The following SIAH3 variants were observed in gnomAD, a reference collection of about 807,000 sequenced individuals.
The protein encoded by SIAH3 is siah E3 ubiquitin protein ligase family member 3.
Under a neutral mutation model 12.6 loss-of-function variants are expected in SIAH3, and 9 were observed. That is an observed-to-expected ratio of 0.72 (90% CI 0.43 to 1.25). The LOEUF (loss-of-function observed/expected upper bound fraction) is 1.25, where lower values mean the gene tolerates loss of function less well. Among genes scored for constraint, SIAH3 ranks in the 50% most tolerant of loss-of-function variants. The pLI, the probability that SIAH3 is intolerant of heterozygous loss-of-function variation, is 0.00. For missense variants in SIAH3, 390 were observed against 365.4 expected, an observed-to-expected ratio of 1.07 and a Z score of -0.55; for synonymous variants, 154 against 151.1, an observed-to-expected ratio of 1.02 and a Z score of -0.14.
intron 1 of SIAH3, among the ~76,000 whole-genome samples, chr13:45,794,507 C>A (rs1026712907): frequency 2.5e-4 from 38 of 152,128 alleles, no homozygotes; most frequent in African/African-American, 9.2e-4. Context: ...CTCCCATAAT[C>A]CCCATGTGTT....
At chr13:45,810,362 TTG>T (rs1439794971) in intron 1 of SIAH3, among the ~76,000 whole-genome samples, 2 of 152,196 alleles carry the variant, frequency 1.3e-5, no homozygotes, top group African/African-American at 4.8e-5. Context: ...ATCTTGACTC[TTG>T]TGTGTGTGGT....
rs1275039402 is a variant in SIAH3, at chr13:45,845,186, CA to C, written c.135+6308del. 3.1e-5 allele frequency among the ~76,000 whole-genome samples: 4 copies of C among 130,826 alleles called. No homozygotes were observed. In the Admixed American group the frequency reaches 3.5e-4, roughly 11 times the overall value. The allele number at this position is 130,826 out of a possible 152,430, so 85.8% of individuals were successfully genotyped here. On this transcript the variant is annotated intron_variant, in intron 1 of 1. Transcript: ENST00000400405. ...TCAGAGAGTTCTCATTTGTTTTATG[CA>C]TTTTTTTTTTTTTTTGCAAATTTGA...
rs1389702020 is a variant in SIAH3 at position 45,782,496 on chromosome 13, C to T, written c.*887G>A. On this transcript the variant is annotated 3_prime_UTR_variant, in exon 2 of 2. Coordinates refer to ENST00000400405, the MANE Select transcript of SIAH3 (RefSeq NM_198849.3). The stretch of plus-strand genomic sequence containing the variant: ...TTTTATAACTTGATAATAAAACTCT[C>T]TGAGGAGGGAGTGCCCTCTCAGAGA... 1 of 152,130 alleles carries T rather than the reference C, an allele frequency of 6.6e-6. No individual in the cohort carries two copies. Among genetic ancestry groups the T allele is most frequent in the Non-Finnish European group, 1.5e-5 (1 of 68,040 alleles). The allele number at this position is 152,130 out of a possible 1,614,324, so 9.4% of individuals were successfully genotyped here. A position where few individuals can be genotyped will look rare whatever the true frequency, so the allele number is the denominator to read the frequency against.
chr13:45,803,204 C>G (rs1167696980), intron 1 of SIAH3, among the ~76,000 whole-genome samples: 1 of 152,176 alleles, frequency 6.6e-6, no homozygotes, highest in Non-Finnish European at 1.5e-5. Flanking sequence ...GGTGCATACA[C>G]AGCAAGTGAT....
At chr13:45,785,301 C>A (rs1186307272) in intron 1 of SIAH3, among the ~76,000 whole-genome samples, 2 of 152,334 alleles carry the variant, frequency 1.3e-5, no homozygotes, top group African/African-American at 4.8e-5. Flanking sequence ...AGGCTGTCCT[C>A]AGGTAGGGAG....
intron 1 of SIAH3, among the ~76,000 whole-genome samples, chr13:45,816,013 G>A (rs183458175): frequency 6.6e-5 from 10 of 152,330 alleles, no homozygotes; most frequent in Non-Finnish European, 1.2e-4. Flanking sequence ...GAGTTACGGA[G>A]CATCATCACC....
At chr13:45,839,790 C>T (rs970103307) in intron 1 of SIAH3, among the ~76,000 whole-genome samples, 6 of 152,110 alleles carry the variant, frequency 3.9e-5, no homozygotes, top group African/African-American at 1.2e-4. Flanking sequence ...TGAGATCGCA[C>T]CACTGCACTC....
Position 45,851,506 on chromosome 13 carries a change from G to A in SIAH3, c.124C>T (p.His42Tyr). The change falls in exon 1 of 2, where the codon CAC becomes TAC. Residue 42 changes from histidine (H) to tyrosine (Y), a missense_variant. Physicochemically the swap from His to Tyr is moderately conservative, Grantham distance 83. Coordinates refer to ENST00000400405, the MANE Select transcript of SIAH3 (RefSeq NM_198849.3). The part of the protein sequence containing the change: ...GQLVCVVNPT[H>Y]NLKYVSSRRA... Reference sequence around the variant, plus strand: ...ACACAGAGACTCACCTTTAGGTTGTGTGTGGGGTTGACGACACAGACAAGT... The same window carrying A: ...ACACAGAGACTCACCTTTAGGTTGTATGTGGGGTTGACGACACAGACAAGT... 1 of 1,614,200 alleles carries A rather than the reference G, an allele frequency of 6.2e-7. No homozygotes were observed. The highest frequency in any genetic ancestry group is 8.5e-7 in the Non-Finnish European group (1 of 1,180,042).
chr13:45,834,335 G>A (rs1358972128), intron 1 of SIAH3, among the ~76,000 whole-genome samples: 1 of 152,142 alleles, frequency 6.6e-6, no homozygotes, highest in Admixed American at 6.5e-5. Flanking sequence ...GAAAGAAAAG[G>A]CTGTCCGATT....
chr13:45,845,222 G>A (rs6561269), intron 1 of SIAH3, among the ~76,000 whole-genome samples: 27,725 of 149,928 alleles, frequency 0.18, 4,896 homozygotes, highest in African/African-American at 0.46. Context: ...ACTCCAGGAA[G>A]GTGCATTATC....
chr13:45,790,067 C>T (rs1362499646), intron 1 of SIAH3, among the ~76,000 whole-genome samples: 2 of 152,116 alleles, frequency 1.3e-5, no homozygotes, highest in African/African-American at 4.8e-5. Flanking sequence ...TCCTTGTGTC[C>T]AGCTGCTAAG....
chr13:45,824,367 C>T (rs1950666365), intron 1 of SIAH3, among the ~76,000 whole-genome samples: 1 of 152,198 alleles, frequency 6.6e-6, no homozygotes, highest in African/African-American at 2.4e-5. Context: ...AGGCACAGGA[C>T]CTGCCCCCCT....
Position 45,808,006 on chromosome 13 carries a change from T to A in SIAH3, c.136-23949A>T, listed in dbSNP as rs552247031. 1.1e-4 allele frequency among the ~76,000 whole-genome samples: 17 copies of A among 152,372 alleles called. No homozygotes were observed. In the East Asian group the frequency reaches 3.1e-3, roughly 28 times the overall value. On this transcript the variant is annotated intron_variant, in intron 1 of 1. Coordinates refer to ENST00000400405, the MANE Select transcript of SIAH3 (RefSeq NM_198849.3). Reference sequence around the variant, plus strand: ...GTGTTCTTGAGGTTGCTTACATATCTGTAAATCTGTATTTGTATCTGTATC... The same window carrying A: ...GTGTTCTTGAGGTTGCTTACATATCAGTAAATCTGTATTTGTATCTGTATC...
intron 1 of SIAH3, among the ~76,000 whole-genome samples, chr13:45,808,767 G>C (rs1420494238): frequency 6.6e-6 from 1 of 152,032 alleles, no homozygotes; most frequent in African/African-American, 2.4e-5. Flanking sequence ...ACTCAACACT[G>C]GGCACAGTAG....
chr13:45,843,818 T>A (rs1475238768), intron 1 of SIAH3, among the ~76,000 whole-genome samples: 1 of 152,086 alleles, frequency 6.6e-6, no homozygotes, highest in African/African-American at 2.4e-5. Flanking sequence ...AAGCCAGCTT[T>A]GAGTAGCTGT....
rs773475018 is a variant in SIAH3, at chr13:45,851,492, C to T, written c.135+3G>A. 7 of 1,613,878 alleles carry T rather than the reference C, an allele frequency of 4.3e-6. No homozygotes were observed. The East Asian group carries it at 1.3e-4, about 31-fold the overall frequency. ...GTGAAGGTAAAATGACACAGAGACT[C>T]ACCTTTAGGTTGTGTGTGGGGTTGA... On this transcript the variant is annotated splice_donor_region_variant and intron_variant, in intron 1 of 1. Coordinates refer to ENST00000400405, the MANE Select transcript of SIAH3 (RefSeq NM_198849.3).
At chr13:45,802,682 G>C (rs1486126446) in intron 1 of SIAH3, among the ~76,000 whole-genome samples, 1 of 152,106 alleles carries the variant, frequency 6.6e-6, no homozygotes, top group Admixed American at 6.6e-5. Context: ...GACTTATGAA[G>C]CCCCCAGCTA....
chr13:45,815,260 G>A (rs1409414859), intron 1 of SIAH3, among the ~76,000 whole-genome samples: 2 of 151,904 alleles, frequency 1.3e-5, no homozygotes, highest in South Asian at 2.1e-4. Flanking sequence ...GTTTAGATGA[G>A]GTGAACATTT....
chr13:45,796,593 G>T (rs1950563579), intron 1 of SIAH3, among the ~76,000 whole-genome samples: 1 of 152,216 alleles, frequency 6.6e-6, no homozygotes, highest in African/African-American at 2.4e-5. Flanking sequence ...TGCTGAAGGT[G>T]TTCACACCAT....
Sources: allele counts gnomAD v4.1 joint callset (sites outside exome capture counted in the v4.1 genomes callset), GRCh38; gene constraint gnomAD v4.1.1; transcripts MANE v1.5; gene names NCBI Gene and HGNC (gene_info 2026-07-23, HGNC 2026-07-21).